Variants in AGBL4 observed in about 807,000 individuals in gnomAD.
AGBL4 encodes AGBL carboxypeptidase 4.
A neutral mutation model predicts 66.4 loss-of-function variants in AGBL4; 58 were observed. The observed-to-expected ratio is 0.87, with a 90% confidence interval of 0.71 to 1.09. AGBL4 has a LOEUF of 1.09. Ranked by LOEUF, AGBL4 falls within the 50% of genes least tolerant of loss-of-function variation. AGBL4 has a pLI of 0.00. For synonymous variants in AGBL4, 234 were observed against 222.9 expected, an observed-to-expected ratio of 1.05 and a Z score of -0.44; for missense variants, 579 against 631.0, an observed-to-expected ratio of 0.92 and a Z score of 0.88.
chr1:49,939,870 G>T (rs1654553641), intron 1 of AGBL4, among the ~76,000 whole-genome samples: 1 of 152,124 alleles, frequency 6.6e-6, no homozygotes, highest in Admixed American at 6.5e-5. Context: ...TTAAACTAAA[G>T]AGCTTCTGCA....
chr1:49,849,689 T>C (rs184936859), intron 2 of AGBL4, among the ~76,000 whole-genome samples: 110 of 152,106 alleles, frequency 7.2e-4, no homozygotes, highest in Non-Finnish European at 7.4e-4. Context: ...TATTCATAAA[T>C]TGTTGGGAAA....
chr1:49,916,309 C>A (rs1310371150), intron 1 of AGBL4, among the ~76,000 whole-genome samples: 1 of 152,110 alleles, frequency 6.6e-6, no homozygotes, highest in Non-Finnish European at 1.5e-5. Context: ...AAGTTCGAAC[C>A]CATCACAAAG....
intron 1 of AGBL4, among the ~76,000 whole-genome samples, chr1:50,003,855 AGTTCTT>A (rs1557653884): frequency 6.6e-6 from 1 of 152,210 alleles, no homozygotes; most frequent in African/African-American, 2.4e-5. Flanking sequence ...TGAAAAAGAA[AGTTCTT>A]GGGTGGAGCC....
chr1:49,653,805 C>T (rs762221910), intron 3 of AGBL4, among the ~76,000 whole-genome samples: 16 of 151,490 alleles, frequency 1.1e-4, no homozygotes, highest in Non-Finnish European at 1.5e-4. Context: ...ACAAAACCTC[C>T]GAGAACTATG....
chr1:48,913,146 T>C lies in AGBL4; in HGVS notation c.595-45916A>G, dbSNP rs540924324. Among the ~76,000 whole-genome samples the C allele has an allele frequency of 1.4e-4, 22 of 152,250 alleles. No homozygotes were observed. The South Asian group carries it at 2.9e-3, about 20-fold the overall frequency. On this transcript the variant is annotated intron_variant, in intron 5 of 13. Coordinates refer to ENST00000371839, the MANE Select transcript of AGBL4 (RefSeq NM_032785.4). ...AGGAAACACTGGATCATGCAAGACC[T>C]TGGAAGCCACGTTAAAAAGAATATG...
intron 3 of AGBL4, among the ~76,000 whole-genome samples, chr1:49,298,796 T>C (rs1258118461): frequency 6.6e-6 from 1 of 152,246 alleles, no homozygotes; most frequent in African/African-American, 2.4e-5. Flanking sequence ...GGTTGGCATA[T>C]AGCAGCAAGA....
intron 3 of AGBL4, among the ~76,000 whole-genome samples, chr1:49,494,920 A>G (rs1647400254): frequency 6.6e-6 from 1 of 152,022 alleles, no homozygotes; most frequent in African/African-American, 2.4e-5. Flanking sequence ...ATTTCTCCAC[A>G]TCCTCTCCAG....
intron 5 of AGBL4, among the ~76,000 whole-genome samples, chr1:48,916,361 T>A (rs541485929): frequency 6.6e-5 from 10 of 152,320 alleles, no homozygotes; most frequent in Non-Finnish European, 1.3e-4. Flanking sequence ...AGAGGAAACA[T>A]GCTCTACTCA....
chr1:49,932,778 C>T (rs1007538081), intron 1 of AGBL4, among the ~76,000 whole-genome samples: 2 of 152,060 alleles, frequency 1.3e-5, no homozygotes, highest in Admixed American at 6.5e-5. Flanking sequence ...TCAAACCCAA[C>T]TGAAAAATTC....
intron 3 of AGBL4, among the ~76,000 whole-genome samples, chr1:49,382,024 A>G (rs568138463): frequency 4.9e-4 from 75 of 152,104 alleles, no homozygotes; most frequent in Non-Finnish European, 7.2e-4. Flanking sequence ...AAAAAAAAAT[A>G]CAGTTCCTGT....
chr1:49,123,000 C>T (rs1201274878), intron 4 of AGBL4, among the ~76,000 whole-genome samples: 1 of 151,938 alleles, frequency 6.6e-6, no homozygotes, highest in Non-Finnish European at 1.5e-5. Flanking sequence ...ATTATAGGCA[C>T]CCGCAACCAT....
chr1:49,563,256 A>G (rs1644100741), intron 3 of AGBL4, among the ~76,000 whole-genome samples: 1 of 152,000 alleles, frequency 6.6e-6, no homozygotes, highest in Non-Finnish European at 1.5e-5. Flanking sequence ...ATCTGCAAAG[A>G]GGGACAATTT....
At chr1:49,216,804 C>T (rs1557737621) in intron 4 of AGBL4, among the ~76,000 whole-genome samples, 2 of 152,086 alleles carry the variant, frequency 1.3e-5, no homozygotes, top group Non-Finnish European at 2.9e-5. Context: ...ACAATACTAT[C>T]AATGTCCATT....
At chr1:49,863,951 T>C (rs896933718) in intron 1 of AGBL4, among the ~76,000 whole-genome samples, 2 of 151,960 alleles carry the variant, frequency 1.3e-5, no homozygotes, top group East Asian at 3.9e-4. Context: ...AAAAAAGAAA[T>C]CAGTATATCA....
intron 9 of AGBL4, among the ~76,000 whole-genome samples, chr1:48,603,619 C>T (rs893351353): frequency 9.2e-5 from 14 of 151,918 alleles, no homozygotes; most frequent in East Asian, 1.9e-4. Context: ...CCCTATAAAA[C>T]GGAAATAGAG....
chr1:48,618,043 A>T (rs1645348765), intron 9 of AGBL4, among the ~76,000 whole-genome samples: 1 of 152,114 alleles, frequency 6.6e-6, no homozygotes, highest in Non-Finnish European at 1.5e-5. Flanking sequence ...AAGTTACTTA[A>T]TAACTTTAGG....
intron 6 of AGBL4, among the ~76,000 whole-genome samples, chr1:48,816,968 A>G (rs1558015231): frequency 6.6e-6 from 1 of 152,188 alleles, no homozygotes. Context: ...AATTAACTAG[A>G]TCAACAAGTG....
intron 4 of AGBL4, among the ~76,000 whole-genome samples, chr1:49,171,701 G>T (rs759315941): frequency 1.7e-4 from 26 of 152,142 alleles, no homozygotes; most frequent in Non-Finnish European, 3.4e-4. Context: ...CTTGCTCTGT[G>T]GCCTGAAATT....
At chr1:49,536,792 T>C (rs1651621125) in intron 3 of AGBL4, among the ~76,000 whole-genome samples, 1 of 152,072 alleles carries the variant, frequency 6.6e-6, no homozygotes, top group South Asian at 2.1e-4. Flanking sequence ...GACAGAAACC[T>C]GATGTCAGGA....
Sources: allele counts gnomAD v4.1 joint callset (sites outside exome capture counted in the v4.1 genomes callset), GRCh38; gene constraint gnomAD v4.1.1; transcripts MANE v1.5; gene names NCBI Gene and HGNC (gene_info 2026-07-23, HGNC 2026-07-21).